The following TNFSF8 variants were observed in gnomAD, a reference collection of about 807,000 sequenced individuals.
TNFSF8 encodes the protein TNF superfamily member 8, also known as tumor necrosis factor ligand superfamily member 8.
A neutral mutation model predicts 22.0 loss-of-function variants in TNFSF8; 4 were observed. The observed-to-expected ratio is 0.18, with a 90% CI of 0.09 to 0.42. TNFSF8 has a LOEUF of 0.42. Among genes scored for constraint, TNFSF8 ranks in the 10% least tolerant of loss-of-function variants. The pLI is 1.00. For synonymous variants in TNFSF8, 106 were observed against 112.5 expected, an observed-to-expected ratio of 0.94 and a Z score of 0.37; for missense variants, 233 against 281.8, an observed-to-expected ratio of 0.83 and a Z score of 1.24.
chr9:114,927,505 C>T (rs1828078427), intron 1 of TNFSF8, among the ~76,000 whole-genome samples: 1 of 152,188 alleles, frequency 6.6e-6, no homozygotes, highest in Admixed American at 6.5e-5. Flanking sequence ...CTTTCCCTTC[C>T]CTGCCTGTTT....
intron 1 of TNFSF8, among the ~76,000 whole-genome samples, chr9:114,920,660 T>G (rs528673422): frequency 6.6e-6 from 1 of 151,720 alleles, no homozygotes; most frequent in Non-Finnish European, 1.5e-5. Flanking sequence ...TTGGGGGGAG[T>G]TTAACATTCT....
At chr9:114,898,689 A>G (rs941121417), downstream of TNFSF8, among the ~76,000 whole-genome samples, 2 of 152,174 alleles carry the variant, frequency 1.3e-5, no homozygotes, top group African/African-American at 4.8e-5. Context: ...TTGTTATTAT[A>G]TTCATGAGGA....
At chr9:114,900,531 C>T (rs745727716), downstream of TNFSF8, among the ~76,000 whole-genome samples, 4 of 152,192 alleles carry the variant, frequency 2.6e-5, no homozygotes, top group African/African-American at 4.8e-5. Flanking sequence ...CCTCAGGTCA[C>T]GTCTTTCCAA....
chr9:114,894,006 A>G lies in TNFSF8; in HGVS notation c.*73T>C, dbSNP rs192297306. The G allele has an allele frequency of 3.5e-4, 452 of 1,292,272 alleles. 6 individuals are homozygous for G. In the East Asian group the frequency reaches 8.2e-3, roughly 24 times the overall value. The allele number at this position is 1,292,272 out of a possible 1,614,324, so 80.1% of individuals were successfully genotyped here. A position where few individuals can be genotyped will look rare whatever the true frequency, so the allele number is the denominator to read the frequency against. On this transcript the variant is annotated 3_prime_UTR_variant, in exon 5 of 5. Transcript: ENST00000618336. ...CAGAGTGACTGGTACCATCAAGTTC[A>G]TGACTTTCCACTTAGCAGTGACAGT... is the stretch of plus-strand genomic sequence containing the variant.
chr9:114,928,176 C>T (rs1000561466), intron 1 of TNFSF8, among the ~76,000 whole-genome samples: 1 of 152,132 alleles, frequency 6.6e-6, no homozygotes, highest in African/African-American at 2.4e-5. Context: ...CTTTTCATAT[C>T]CAAACATGAG....
chr9:114,903,948 A>G lies in TNFSF8; in HGVS notation c.688T>C (p.Tyr230His), dbSNP rs1440902783. 1.2e-6 allele frequency: 2 copies of G among 1,612,628 alleles called. No homozygotes were observed. Among genetic ancestry groups the G allele is most frequent in the East Asian group, 2.2e-5 (1 of 44,868 alleles). The change falls in exon 4 of 4, where the codon TAC becomes CAC. Residue 230 changes from tyrosine to histidine, a missense_variant. Coordinates refer to ENST00000223795, the MANE Select transcript of TNFSF8 (RefSeq NM_001244.4). ...PLENVLSIFLYSNSD is the reference protein window; with the variant it reads ...PLENVLSIFLHSNSD ...GAAACTGTTCAGTCTGAATTACTGT[A>G]TAAGAAGATGGACAACACATTCTCA...
Position 114,902,248 on chromosome 9 carries a change from T to C in TNFSF8, c.*1683A>G. On this transcript the variant is annotated 3_prime_UTR_variant, in exon 4 of 4. Coordinates refer to ENST00000223795, the MANE Select transcript of TNFSF8 (RefSeq NM_001244.4). ...GAAGTCCTCCTCCCCACTTCCAGGG[T>C]CATCATTGTCTCTCAACAACTTTGT... is the stretch of plus-strand genomic sequence containing the variant. 1 of 985,384 alleles carries C rather than the reference T, an allele frequency of 1.0e-6. No homozygotes were observed. The highest frequency in any genetic ancestry group is 1.2e-6 in the Non-Finnish European group (1 of 829,914). The allele number at this position is 985,384 out of a possible 1,614,324, so 61.0% of individuals were successfully genotyped here.
chr9:114,900,688 A>G (rs1214116186), downstream of TNFSF8, among the ~76,000 whole-genome samples: 2 of 152,102 alleles, frequency 1.3e-5, no homozygotes, highest in Non-Finnish European at 2.9e-5. Flanking sequence ...TATGATTCAG[A>G]AAAGGGTTAG....
Position 114,930,360 on chromosome 9 carries a change from G to A in TNFSF8, c.-57C>T, listed in dbSNP as rs1828126124. On this transcript the variant is annotated 5_prime_UTR_variant, in exon 1 of 4. The change creates a premature stop within an existing upstream ORF in the 5' untranslated region. Coordinates refer to ENST00000223795, the MANE Select transcript of TNFSF8 (RefSeq NM_001244.4). ...ATCTCTCTTCATCTGATTCAGTTCT[G>A]GGCCCATCTCTGTTCCAAGAAGGAT... 7.6e-7 allele frequency: 1 copy of A among 1,322,522 alleles called. No individual in the cohort carries two copies. The highest frequency in any genetic ancestry group is 9.9e-7 in the Non-Finnish European group (1 of 1,008,568). 81.9% of individuals were successfully genotyped at this position (1,322,522 alleles called of 1,614,324 possible).
At chr9:114,922,020 T>A (rs1251170441) in intron 1 of TNFSF8, among the ~76,000 whole-genome samples, 1 of 152,104 alleles carries the variant, frequency 6.6e-6, no homozygotes, top group Non-Finnish European at 1.5e-5. Context: ...TGCCTTGGAG[T>A]GTTTTCTTCT....
At chr9:114,910,701 C>T (rs143276126) in intron 2 of TNFSF8, among the ~76,000 whole-genome samples, 1 of 152,174 alleles carries the variant, frequency 6.6e-6, no homozygotes, top group East Asian at 1.9e-4. Flanking sequence ...TGCCAAGTTA[C>T]AAGTCATGGG....
intron 1 of TNFSF8, among the ~76,000 whole-genome samples, chr9:114,919,554 A>T (rs1827962090): frequency 6.6e-6 from 1 of 152,168 alleles, no homozygotes; most frequent in Non-Finnish European, 1.5e-5. Flanking sequence ...ATATTCTGCC[A>T]ATAAGGAATG....
At chr9:114,904,371 G>A in intron 3 of TNFSF8, 46 bp from the exon 4 acceptor site, 1 of 1,536,516 alleles carries the variant, frequency 6.5e-7, no homozygotes, top group Middle Eastern at 1.8e-4. Flanking sequence ...AAGATTGTAG[G>A]TACGCATTGC....
intron 2 of TNFSF8, among the ~76,000 whole-genome samples, chr9:114,914,028 G>A (rs1476150414): frequency 6.6e-6 from 1 of 152,194 alleles, no homozygotes; most frequent in Non-Finnish European, 1.5e-5. Context: ...AGGCCCAGAG[G>A]TGAGATCAAA....
intron 1 of TNFSF8, among the ~76,000 whole-genome samples, chr9:114,929,838 T>C (rs1828112803): frequency 6.7e-6 from 1 of 148,390 alleles, no homozygotes; most frequent in African/African-American, 2.5e-5. Context: ...CAAATTATTT[T>C]AGAGAGTTAA....
intron 1 of TNFSF8, among the ~76,000 whole-genome samples, chr9:114,920,824 AC>A (rs946334061): frequency 1.3e-5 from 2 of 151,308 alleles, no homozygotes; most frequent in East Asian, 1.9e-4. Context: ...GCCCACCACC[AC>A]CCCCGGCTAA....
At chr9:114,899,059 C>T (rs1299558886), downstream of TNFSF8, among the ~76,000 whole-genome samples, 2 of 152,172 alleles carry the variant, frequency 1.3e-5, no homozygotes, top group Non-Finnish European at 2.9e-5. Flanking sequence ...CTCACCCCAA[C>T]TACTAAGCTC....
rs960693570 is a variant in TNFSF8, at chr9:114,930,389, C to G, written c.-86G>C. ...CCATCTCTGTTCCAAGAAGGATTCT[C>G]CCCCTGAATCCTGAATCATGTGACT... On this transcript the variant is annotated 5_prime_UTR_variant, in exon 1 of 4. Coordinates refer to ENST00000223795, the MANE Select transcript of TNFSF8 (RefSeq NM_001244.4). 1 of 1,103,344 alleles carries G rather than the reference C, an allele frequency of 9.1e-7. No homozygotes were observed. The highest frequency in any genetic ancestry group is 1.2e-6 in the Non-Finnish European group (1 of 827,366). 68.3% of individuals were successfully genotyped at this position (1,103,344 alleles called of 1,614,324 possible).
rs1827942394 is a variant in TNFSF8, at chr9:114,918,108, G to A, written c.226C>T (p.Pro76Ser). The change falls in exon 2 of 4, where the codon CCC (proline) becomes TCC (serine). Residue 76 changes from proline to serine, a missense_variant. Coordinates refer to ENST00000223795, the MANE Select transcript of TNFSF8 (RefSeq NM_001244.4). ...DSIPNSPDNV[P>S]LKGGNCSEDL... is the part of the protein sequence containing the mutation. The stretch of plus-strand genomic sequence containing the variant: ...TCCAAGATCTTACCTCCTTTGAGGG[G>A]GACGTTGTCAGGTGAGTTGGGAATG... 7 of 1,608,258 alleles carry A rather than the reference G, an allele frequency of 4.4e-6. No homozygotes were observed. The highest frequency in any genetic ancestry group is 5.9e-6 in the Non-Finnish European group (7 of 1,177,314).
Sources: gnomAD v4.1 joint callset for allele counts (sites outside exome capture counted in the v4.1 genomes callset) on GRCh38, gnomAD v4.1.1 for gene constraint, MANE v1.5 for transcripts, NCBI Gene and HGNC (gene_info 2026-07-23, HGNC 2026-07-21) for gene names.